The following KIDINS220 variants were observed in gnomAD, a reference collection of about 807,000 sequenced individuals.
The protein encoded by KIDINS220 is kinase D-interacting substrate of 220 kDa.
In KIDINS220, 63 loss-of-function variants were observed where a neutral mutation model predicts 157.6. The observed-to-expected ratio is 0.40, with a 90% confidence interval of 0.33 to 0.49. The LOEUF is 0.49. KIDINS220 is among the 20% of genes least tolerant of loss of function. The pLI, the probability that KIDINS220 is intolerant of heterozygous loss-of-function variation, is 0.66. For missense variants in KIDINS220, 1,772 were observed against 2,171.2 expected, an observed-to-expected ratio of 0.82 and a Z score of 3.65; for synonymous variants, 732 against 783.6, an observed-to-expected ratio of 0.93 and a Z score of 1.10.
intron 26 of KIDINS220, among the ~76,000 whole-genome samples, chr2:8,743,796 T>A (rs924439413): frequency 2.6e-5 from 4 of 152,192 alleles, no homozygotes; most frequent in African/African-American, 9.6e-5. Context: ...AGGATTCTGC[T>A]TTTATTGGTT....
chr2:8,772,508 G>A (rs12692372), intron 21 of KIDINS220, among the ~76,000 whole-genome samples: 149,621 of 152,110 alleles, frequency 0.98, 73,650 homozygotes, highest in Middle Eastern at 1. Flanking sequence ...GTTAATAAAA[G>A]TAAATATTCT....
chr2:8,808,283 A>G (rs771480380), intron 6 of KIDINS220, among the ~76,000 whole-genome samples: 7 of 152,176 alleles, frequency 4.6e-5, no homozygotes, highest in African/African-American at 1.2e-4. Flanking sequence ...TACAATATCA[A>G]TATCTTAGAT....
At chr2:8,796,567 T>C (rs1673957272) in intron 11 of KIDINS220, among the ~76,000 whole-genome samples, 1 of 152,090 alleles carries the variant, frequency 6.6e-6, no homozygotes, top group African/African-American at 2.4e-5. Context: ...AGAAGGAAAG[T>C]CGGAAGCAGC....
At chr2:8,807,424 T>C (rs915738436) in intron 6 of KIDINS220, among the ~76,000 whole-genome samples, 4 of 152,232 alleles carry the variant, frequency 2.6e-5, no homozygotes, top group African/African-American at 7.2e-5. Context: ...TCTGTGTTGA[T>C]GGAAATACTC....
chr2:8,755,556 C>A (rs1206470142), intron 22 of KIDINS220, among the ~76,000 whole-genome samples: 1 of 152,222 alleles, frequency 6.6e-6, no homozygotes, highest in East Asian at 1.9e-4. Flanking sequence ...AACTCTACCC[C>A]TTTAAAATAG....
At position 8,803,095 on chromosome 2, in the gene KIDINS220, T is replaced by C; in HGVS notation, c.636A>G (p.Lys212=). The C allele has an allele frequency of 6.2e-7, 1 of 1,611,834 alleles. No homozygotes were observed. Among genetic ancestry groups the C allele is most frequent in the Non-Finnish European group, 8.5e-7 (1 of 1,179,828 alleles). Residue 212 remains lysine, a synonymous_variant, in exon 8 of 30, where the codon AAA becomes AAG. Transcript: ENST00000256707. ...CTTTTACTGACTGTGTGTAACCTCC[T>C]TTCACTGCCACAATAAGTGCAGTCA... is the stretch of plus-strand genomic sequence containing the variant. ...NSMTALIVAV[K]GGYTQSVKEI...
At chr2:8,744,181 T>C (rs1252249025) in intron 26 of KIDINS220, among the ~76,000 whole-genome samples, 2 of 144,738 alleles carry the variant, frequency 1.4e-5, no homozygotes, top group African/African-American at 5.0e-5. Flanking sequence ...ATTTATATTA[T>C]ATATTATTAA....
intron 21 of KIDINS220, among the ~76,000 whole-genome samples, chr2:8,774,499 C>T (rs1192592625): frequency 6.6e-6 from 1 of 151,990 alleles, no homozygotes; most frequent in African/African-American, 2.4e-5. Context: ...AAGAAGATGT[C>T]ATTTTATACG....
chr2:8,812,314 A>G (rs1230670944), intron 6 of KIDINS220, 81 bp downstream of exon 6: 4 of 590,198 alleles, frequency 6.8e-6, no homozygotes, highest in Non-Finnish European at 1.2e-5. Context: ...AAGCCTCATG[A>G]AATCATATAA....
Position 8,779,669 on chromosome 2 carries a change from C to A in KIDINS220, c.2370+5G>T. ...ATGGTGGCTTTTGAGGTGGCGCAAA[C>A]GTACAGTGTCCAGCATCTGAAGGAC... On this transcript the variant is annotated splice_donor_5th_base_variant and intron_variant, in intron 18 of 29. Transcript: ENST00000256707. The A allele has an allele frequency of 6.2e-7, 1 of 1,611,340 alleles. No individual in the cohort carries two copies. The highest frequency in any genetic ancestry group is 1.1e-5 in the South Asian group (1 of 90,720).
At chr2:8,732,970 C>T (rs1422173115) in intron 29 of KIDINS220, among the ~76,000 whole-genome samples, 1 of 152,184 alleles carries the variant, frequency 6.6e-6, no homozygotes, top group Non-Finnish European at 1.5e-5. Flanking sequence ...AGGAAGAACG[C>T]GCCTACATCT....
chr2:8,747,183 C>G lies in KIDINS220; in HGVS notation c.3547G>C (p.Ala1183Pro), dbSNP rs374967193. Residue 1183 changes from alanine to proline, a missense_variant, in exon 26 of 30, where the codon GCT becomes CCT. Physicochemically the swap from Ala to Pro is conservative, Grantham distance 27 (BLOSUM62 -1). This residue lies in a region of KIDINS220 where 793 missense variants were observed against 885.5 expected (regional missense o/e 0.90). Coordinates refer to ENST00000256707, the MANE Select transcript of KIDINS220 (RefSeq NM_020738.4). Reference sequence around the variant, plus strand: ...GTGGGTGAAGAAAGCCCCTCAGCAGCATCCTCCTTGATAACTTCCTAACAA... The same window carrying G: ...GTGGGTGAAGAAAGCCCCTCAGCAGGATCCTCCTTGATAACTTCCTAACAA... Reference protein sequence around the residue: ...NNGLEVIKEDAAEGLSSPTDS... With the variant: ...NNGLEVIKEDPAEGLSSPTDS... The G allele has an allele frequency of 6.2e-7, 1 of 1,614,146 alleles. No individual in the cohort carries two copies. Among genetic ancestry groups the G allele is most frequent in the Non-Finnish European group, 8.5e-7 (1 of 1,180,034 alleles).
intron 17 of KIDINS220, among the ~76,000 whole-genome samples, chr2:8,784,371 T>G (rs960135979): frequency 3.9e-5 from 6 of 152,108 alleles, no homozygotes; most frequent in African/African-American, 1.4e-4. Flanking sequence ...GTTAACTTTT[T>G]AGATAGGACA....
chr2:8,813,514 A>C lies in KIDINS220; in HGVS notation c.307-179T>G, dbSNP rs17631263. On this transcript the variant is annotated intron_variant, in intron 4 of 29. Coordinates refer to ENST00000256707, the MANE Select transcript of KIDINS220 (RefSeq NM_020738.4). ...TACAATAGTACATGAAATAAGTCAA[A>C]TCTCTTGCATCCACAAATGGTTAGT... Among the ~76,000 whole-genome samples, 41,086 of 152,146 alleles carry C rather than the reference A, an allele frequency of 0.27. 5,709 individuals are homozygous for C. The highest frequency in any genetic ancestry group is 0.34 in the Middle Eastern group (101 of 294).
intron 10 of KIDINS220, among the ~76,000 whole-genome samples, chr2:8,797,690 A>G (rs912536333): frequency 6.6e-6 from 1 of 152,246 alleles, no homozygotes; most frequent in African/African-American, 2.4e-5. Flanking sequence ...CCCCATAGAA[A>G]ATGATTACAC....
intron 22 of KIDINS220, among the ~76,000 whole-genome samples, chr2:8,767,762 TG>T (rs961699165): frequency 2.0e-4 from 30 of 152,226 alleles, no homozygotes; most frequent in African/African-American, 6.3e-4. Flanking sequence ...TAAAATATGA[TG>T]TTTTATTATG....
chr2:8,743,004 A>G (rs1665837910), intron 26 of KIDINS220, among the ~76,000 whole-genome samples: 1 of 152,184 alleles, frequency 6.6e-6, no homozygotes, highest in African/African-American at 2.4e-5. Context: ...CTTTGAGATG[A>G]CAGAACAACA....
intron 17 of KIDINS220, among the ~76,000 whole-genome samples, chr2:8,784,574 T>C (rs1035953677): frequency 6.6e-6 from 1 of 151,936 alleles, no homozygotes; most frequent in Non-Finnish European, 1.5e-5. Flanking sequence ...AATAAGAAAA[T>C]GAACAACCTG....
chr2:8,734,428 A>C (rs1250878814), intron 28 of KIDINS220, among the ~76,000 whole-genome samples: 1 of 152,184 alleles, frequency 6.6e-6, no homozygotes. Flanking sequence ...CAAATCTCTG[A>C]GTGAAATGCC....
Sources: gnomAD v4.1 joint callset for allele counts (sites outside exome capture counted in the v4.1 genomes callset) on GRCh38, gnomAD v4.1.1 for gene constraint, gnomAD v4.1.1 regional missense constraint, MANE v1.5 for transcripts, NCBI Gene and HGNC (gene_info 2026-07-23, HGNC 2026-07-21) for gene names.